The following CACNA2D1 variants were observed in gnomAD, a reference collection of about 807,000 sequenced individuals.
The protein encoded by CACNA2D1 is voltage-dependent calcium channel subunit alpha-2/delta-1.
In CACNA2D1, 53 loss-of-function variants were observed where a neutral mutation model predicts 171.5. The ratio of observed to expected loss-of-function variants is 0.31; its 90% CI spans 0.25 to 0.39. The LOEUF (loss-of-function observed/expected upper bound fraction) is 0.39. Ranked by LOEUF, CACNA2D1 falls within the 10% of genes least tolerant of loss-of-function variation. The pLI is 1.00. For synonymous variants in CACNA2D1, 442 were observed against 443.1 expected, an observed-to-expected ratio of 1.00 and a Z score of 0.03; for missense variants, 903 against 1,299.8, an observed-to-expected ratio of 0.69 and a Z score of 4.69.
chr7:81,951,248 A>T (rs1792484386), intron 38 of CACNA2D1, among the ~76,000 whole-genome samples: 1 of 152,084 alleles, frequency 6.6e-6, no homozygotes, highest in African/African-American at 2.4e-5. Context: ...ATGCAAAAGT[A>T]TTATTCATCT....
chr7:82,292,374 G>C (rs146766850), intron 3 of CACNA2D1, among the ~76,000 whole-genome samples: 1 of 152,050 alleles, frequency 6.6e-6, no homozygotes, highest in Admixed American at 6.6e-5. Context: ...TTGCTTCTTC[G>C]TTTCCAATTT....
At chr7:82,259,297 C>T (rs1428224362) in intron 3 of CACNA2D1, among the ~76,000 whole-genome samples, 2 of 152,114 alleles carry the variant, frequency 1.3e-5, no homozygotes, top group East Asian at 1.9e-4. Flanking sequence ...CAAGAAAGAA[C>T]CATTATGTAT....
intron 1 of CACNA2D1, among the ~76,000 whole-genome samples, chr7:82,360,582 A>G (rs1339290671): frequency 6.6e-6 from 1 of 152,214 alleles, no homozygotes. Flanking sequence ...ATAACATGCA[A>G]ACAGACTTGA....
intron 1 of CACNA2D1, among the ~76,000 whole-genome samples, chr7:82,440,473 T>C (rs551929558): frequency 6.6e-6 from 1 of 152,038 alleles, no homozygotes; most frequent in East Asian, 1.9e-4. Context: ...ATGTGCATAC[T>C]ATAGCATAAA....
intron 38 of CACNA2D1, among the ~76,000 whole-genome samples, chr7:81,951,010 C>T (rs1792456122): frequency 1.3e-5 from 2 of 151,958 alleles, no homozygotes; most frequent in South Asian, 4.1e-4. Context: ...AGCATCTGGA[C>T]CTTCATCAAG....
intron 29 of CACNA2D1, 48 bp downstream of exon 29, chr7:81,968,839 G>A: frequency 3.0e-6 from 3 of 1,011,248 alleles, no homozygotes; most frequent in Non-Finnish European, 4.7e-6. Flanking sequence ...TAAATGCCAA[G>A]TAACATTTAA....
chr7:82,060,154 TATATATATATA>T (rs1334569046), intron 10 of CACNA2D1, among the ~76,000 whole-genome samples: 1 of 34,772 alleles, frequency 2.9e-5, no homozygotes, highest in Middle Eastern at 0.015. Flanking sequence ...ATATATGTAT[TATATATATATA>T]ATATATATAT....
intron 3 of CACNA2D1, among the ~76,000 whole-genome samples, chr7:82,195,931 C>T (rs1798807573): frequency 1.3e-5 from 2 of 152,010 alleles, no homozygotes; most frequent in Non-Finnish European, 2.9e-5. Flanking sequence ...TGCTGACTGT[C>T]TCCTGGAAAG....
intron 1 of CACNA2D1, among the ~76,000 whole-genome samples, chr7:82,389,944 T>C (rs1015136551): frequency 1.3e-5 from 2 of 152,214 alleles, no homozygotes; most frequent in Non-Finnish European, 2.9e-5. Flanking sequence ...TTTGTGTTGT[T>C]ACTTGAGTTT....
chr7:82,057,321 G>A (rs1378376705), intron 10 of CACNA2D1, among the ~76,000 whole-genome samples: 2 of 152,016 alleles, frequency 1.3e-5, no homozygotes, highest in African/African-American at 4.8e-5. Flanking sequence ...AAAACCAAGG[G>A]GGTAAAGTAG....
At chr7:82,048,934 A>C (rs1388481075) in intron 10 of CACNA2D1, among the ~76,000 whole-genome samples, 1 of 152,144 alleles carries the variant, frequency 6.6e-6, no homozygotes, top group Non-Finnish European at 1.5e-5. Context: ...GTTTAGAATA[A>C]AATTATTCCC....
chr7:82,023,142 C>T lies in CACNA2D1; in HGVS notation c.1144-8663G>A, dbSNP rs76145077. Among the ~76,000 whole-genome samples the T allele has an allele frequency of 1.1e-4, 16 of 151,800 alleles. No individual in the cohort carries two copies. The East Asian group carries it at 3.1e-3, about 29-fold the overall frequency. ...TTCCTTTATTCATTTGTTTGGACTACGGGATAGAGTTCATTTTAGTTTTGG... is the reference window on the plus strand; with the variant it reads ...TTCCTTTATTCATTTGTTTGGACTATGGGATAGAGTTCATTTTAGTTTTGG... On this transcript the variant is annotated intron_variant, in intron 12 of 38. Coordinates refer to ENST00000356860, the MANE Select transcript of CACNA2D1 (RefSeq NM_000722.4).
intron 3 of CACNA2D1, among the ~76,000 whole-genome samples, chr7:82,182,009 T>C (rs1210888242): frequency 1.3e-5 from 2 of 152,184 alleles, no homozygotes; most frequent in Non-Finnish European, 2.9e-5. Context: ...CATTTTGTAA[T>C]TGTCTAAAAT....
intron 1 of CACNA2D1, among the ~76,000 whole-genome samples, chr7:82,386,821 A>G (rs1021363829): frequency 1.3e-5 from 2 of 151,630 alleles, no homozygotes; most frequent in African/African-American, 4.8e-5. Context: ...TGCAAATATA[A>G]ATAGTGAAAT....
chr7:82,081,976 C>T (rs981305145), intron 7 of CACNA2D1, among the ~76,000 whole-genome samples: 1 of 152,216 alleles, frequency 6.6e-6, no homozygotes, highest in African/African-American at 2.4e-5. Flanking sequence ...TCATGGTGGA[C>T]TCTGGCACCT....
At chr7:82,110,192 T>A (rs745886174) in intron 6 of CACNA2D1, among the ~76,000 whole-genome samples, 1 of 152,336 alleles carries the variant, frequency 6.6e-6, no homozygotes, top group Non-Finnish European at 1.5e-5. Flanking sequence ...TTTCCATTTA[T>A]GTTATGGATT....
chr7:82,207,961 C>T (rs558290829), intron 3 of CACNA2D1, among the ~76,000 whole-genome samples: 32 of 152,266 alleles, frequency 2.1e-4, no homozygotes, highest in African/African-American at 6.3e-4. Flanking sequence ...TCATTGCTTG[C>T]TCTCCTAAGA....
intron 24 of CACNA2D1, 66 bp from the exon 25 acceptor site, chr7:81,974,618 G>C: frequency 1.3e-6 from 1 of 797,738 alleles, no homozygotes; most frequent in Non-Finnish European, 2.0e-6. Flanking sequence ...ATTAAAGGTA[G>C]TGAAAACACT....
chr7:82,119,236 GAC>G (rs1789434642), intron 5 of CACNA2D1, among the ~76,000 whole-genome samples: 1 of 152,070 alleles, frequency 6.6e-6, no homozygotes, highest in African/African-American at 2.4e-5. Context: ...GAAGTCTACA[GAC>G]CACCATATAC....
Sources: gnomAD v4.1 joint callset for allele counts (sites outside exome capture counted in the v4.1 genomes callset) on GRCh38, gnomAD v4.1.1 for gene constraint, MANE v1.5 for transcripts, NCBI Gene and HGNC (gene_info 2026-07-23, HGNC 2026-07-21) for gene names.